The following KNTC1 variants were observed in gnomAD, a reference collection of about 807,000 sequenced individuals.
The protein encoded by KNTC1 is kinetochore-associated protein 1.
A neutral mutation model predicts 314.4 loss-of-function variants in KNTC1; 253 were observed. The observed-to-expected ratio is 0.80, with a 90% confidence interval of 0.73 to 0.89. The LOEUF is 0.89. KNTC1 is among the 40% of genes least tolerant of loss of function. The probability of loss-of-function intolerance (pLI) is 0.00; values close to 1 mark genes in which losing one functional copy is unlikely to be tolerated. For missense variants in KNTC1, 2,475 were observed against 2,572.9 expected, an observed-to-expected ratio of 0.96 and a Z score of 0.82; for synonymous variants, 901 against 901.4, an observed-to-expected ratio of 1.00 and a Z score of 0.01.
Position 122,602,853 on chromosome 12 carries a change from T to TC in KNTC1, c.4853dup (p.Thr1619AsnfsTer40). The TC allele has an allele frequency of 6.2e-7, 1 of 1,612,798 alleles. No homozygotes were observed. The highest frequency in any genetic ancestry group is 8.5e-7 in the Non-Finnish European group (1 of 1,178,976). ...GCTACAGAACTCAGTGAAGAATCTT[T>TC]CCCAACATTGCTCTTAATTTCGAAA... On this transcript the variant is annotated frameshift_variant, in exon 47 of 64. Coordinates refer to ENST00000333479, the MANE Select transcript of KNTC1 (RefSeq NM_014708.6). LOFTEE classifies it high-confidence loss of function.
intron 58 of KNTC1, 21 bp from the exon 59 acceptor site, chr12:122,618,461 G>GTTTTT (rs139890796): frequency 1.3e-6 from 2 of 1,559,408 alleles, no homozygotes; most frequent in South Asian, 1.1e-5. Context: ...TATCATGGTT[G>GTTTTT]TTTTTTTGTT....
In KNTC1 at chr12:122,530,081, G is replaced by C. The variant is rs574708956; in HGVS notation, c.18G>C (p.Glu6Asp). ...TCAGAAACATGTGGAATGATATTGA[G>C]CTGCTAACAAATGATGATACCGGAA... MWNDIELLTNDDTGSG... is the reference protein window; with the variant it reads MWNDIDLLTNDDTGSG... The change falls in exon 2 of 64, where the codon GAG becomes GAC. Residue 6 changes from glutamate to aspartate, a missense_variant. Coordinates refer to ENST00000333479, the MANE Select transcript of KNTC1 (RefSeq NM_014708.6). The C allele has an allele frequency of 6.2e-7, 1 of 1,613,756 alleles. No homozygotes were observed.
intron 50 of KNTC1, 32 bp from the exon 51 acceptor site, chr12:122,605,274 A>G (rs1484927799): frequency 7.1e-7 from 1 of 1,398,618 alleles, no homozygotes; most frequent in Non-Finnish European, 9.8e-7. Context: ...TTAAAACTTG[A>G]GTTTTTCTTT....
At chr12:122,542,991 C>A (rs1266279839) in intron 6 of KNTC1, among the ~76,000 whole-genome samples, 1 of 152,090 alleles carries the variant, frequency 6.6e-6, no homozygotes, top group Non-Finnish European at 1.5e-5. Context: ...CGGCTCACTG[C>A]AACCTCCGCT....
At chr12:122,625,916 A>G (rs1267281945) in intron 63 of KNTC1, among the ~76,000 whole-genome samples, 2 of 152,146 alleles carry the variant, frequency 1.3e-5, no homozygotes, top group Non-Finnish European at 2.9e-5. Context: ...GATCAGGCAT[A>G]TTAGAATGAG....
intron 20 of KNTC1, among the ~76,000 whole-genome samples, chr12:122,565,746 A>G (rs1195133755): frequency 1.3e-5 from 2 of 151,916 alleles, no homozygotes; most frequent in African/African-American, 2.4e-5. Flanking sequence ...TTGCCAGGCA[A>G]CTTGGCCAGG....
intron 44 of KNTC1, among the ~76,000 whole-genome samples, 186 bp from the exon 45 acceptor site, chr12:122,601,350 G>A (rs1283514202): frequency 2.0e-5 from 3 of 152,182 alleles, no homozygotes; most frequent in Non-Finnish European, 4.4e-5. Flanking sequence ...CTCCCAAAGT[G>A]CTAGGATTAC....
chr12:122,590,873 G>C (rs1020910396), intron 41 of KNTC1, 138 bp downstream of exon 41: 6 of 797,434 alleles, frequency 7.5e-6, no homozygotes, highest in Admixed American at 5.6e-5. Context: ...ACCAGCTTCT[G>C]CTTGACTGGT....
Position 122,610,826 on chromosome 12 carries a change from C to G in KNTC1, c.5548C>G (p.Gln1850Glu), listed in dbSNP as rs1873034336. 1 of 1,609,590 alleles carries G rather than the reference C, an allele frequency of 6.2e-7. No homozygotes were observed. The change falls in exon 53 of 64, where the codon CAG (glutamine) becomes GAG (glutamate). Residue 1850 changes from glutamine to glutamate, a missense_variant. By Grantham distance (29) the Gln-to-Glu change is conservative. Coordinates refer to ENST00000333479, the MANE Select transcript of KNTC1 (RefSeq NM_014708.6). ...LQEDEALRRVQYLLLSRPIDY... is the reference protein window; with the variant it reads ...LQEDEALRRVEYLLLSRPIDY... ...TAATTAAAATTTTTTTTCCAGAGTG[C>G]AGTATCTCCTCCTGTCTCGTCCAAT...
chr12:122,597,962 G>A lies in KNTC1; in HGVS notation c.4563+24G>A, dbSNP rs371664445. 6.5e-5 allele frequency: 104 copies of A among 1,588,062 alleles called. No homozygotes were observed. The South Asian group carries it at 1.0e-3, about 16-fold the overall frequency. On this transcript the variant is annotated intron_variant, in intron 44 of 63. Transcript: ENST00000333479. ...AGGTAGACACACAGTGAAATGAATC[G>A]GGTCATCTCAGCCATCCCTCCCACC...
At chr12:122,538,227 T>C in intron 3 of KNTC1, 112 bp from the exon 4 acceptor site, 1 of 627,118 alleles carries the variant, frequency 1.6e-6, no homozygotes, top group Non-Finnish European at 2.9e-6. Context: ...TTGCAGTATT[T>C]AGAAGTAACT....
chr12:122,596,106 G>A (rs1318820803), intron 43 of KNTC1, among the ~76,000 whole-genome samples: 4 of 121,520 alleles, frequency 3.3e-5, no homozygotes, highest in African/African-American at 1.3e-4. Context: ...TTTTTGAGAC[G>A]GAGTCTCGCT....
chr12:122,538,409 C>T lies in KNTC1; in HGVS notation c.321C>T (p.Asn107=), dbSNP rs1442509870. Residue 107 remains asparagine (N), a synonymous_variant, in exon 4 of 64, where the codon AAC becomes AAT. Coordinates refer to ENST00000333479, the MANE Select transcript of KNTC1 (RefSeq NM_014708.6). ...TTTTGGTTGGCGAGAGAAGTGGCAA[C>T]CTACATCTTATTCATGTAACATCAA... ...KFLLVGERSG[N]LHLIHVTSKQ... 6.2e-7 allele frequency: 1 copy of T among 1,604,968 alleles called. No homozygotes were observed. The highest frequency in any genetic ancestry group is 8.5e-7 in the Non-Finnish European group (1 of 1,175,340).
chr12:122,543,083 T>G (rs1484189283), intron 6 of KNTC1, among the ~76,000 whole-genome samples: 4 of 152,060 alleles, frequency 2.6e-5, no homozygotes, highest in Non-Finnish European at 5.9e-5. Flanking sequence ...TGGCTAATTT[T>G]TGTATTTTTA....
At chr12:122,614,476 G>T (rs1197951325) in intron 55 of KNTC1, among the ~76,000 whole-genome samples, 2 of 152,248 alleles carry the variant, frequency 1.3e-5, no homozygotes, top group East Asian at 3.9e-4. Context: ...AGAAAGAAAG[G>T]GGGAGACATC....
At chr12:122,566,166 C>T (rs928208463) in intron 20 of KNTC1, among the ~76,000 whole-genome samples, 3 of 151,778 alleles carry the variant, frequency 2.0e-5, no homozygotes, top group Non-Finnish European at 2.9e-5. Context: ...TGGCCTCGAA[C>T]TCCTGACCTC....
intron 29 of KNTC1, among the ~76,000 whole-genome samples, chr12:122,576,409 G>A (rs866875506): frequency 1.3e-5 from 2 of 152,054 alleles, no homozygotes; most frequent in Middle Eastern, 3.2e-3. Context: ...GGCCAGGTGC[G>A]GTGGCTCACA....
intron 12 of KNTC1, among the ~76,000 whole-genome samples, chr12:122,548,495 C>G (rs1962954556): frequency 6.6e-6 from 1 of 152,044 alleles, no homozygotes; most frequent in Non-Finnish European, 1.5e-5. Context: ...CAGGTGTGAG[C>G]CACTGCGCCC....
At chr12:122,612,078 T>C (rs952041861) in intron 53 of KNTC1, among the ~76,000 whole-genome samples, 4 of 152,016 alleles carry the variant, frequency 2.6e-5, no homozygotes, top group Non-Finnish European at 4.4e-5. Flanking sequence ...TGTGTTTTTT[T>C]TTTTTGAGAT....
Sources: gnomAD v4.1 joint callset for allele counts (sites outside exome capture counted in the v4.1 genomes callset) on GRCh38, gnomAD v4.1.1 for gene constraint, MANE v1.5 for transcripts, NCBI Gene and HGNC (gene_info 2026-07-23, HGNC 2026-07-21) for gene names.